The following ATP6V1G2 variants were observed in gnomAD, a reference collection of about 807,000 sequenced individuals.
ATP6V1G2 encodes V-type proton ATPase subunit G 2.
In ATP6V1G2, 14 loss-of-function variants were observed where a neutral mutation model predicts 17.8. The ratio of observed to expected loss-of-function variants is 0.79; its 90% CI spans 0.52 to 1.23. ATP6V1G2 has a LOEUF of 1.23. Ranked by LOEUF, ATP6V1G2 falls within the 50% of genes most tolerant of loss-of-function variation. ATP6V1G2 has a pLI of 0.00. For missense variants in ATP6V1G2, 112 were observed against 152.2 expected (o/e 0.74, Z 1.39); for synonymous variants, 57 against 54.8 (o/e 1.04, Z -0.17).
rs1768807042 is a variant in ATP6V1G2 at position 31,544,590 on chromosome 6, A to C, written c.*818T>G. On this transcript the variant is annotated 3_prime_UTR_variant, in exon 3 of 3. Transcript: ENST00000303892. ...AGTATCATTTTAGATCTTAGAAAGC[A>C]ATGAGCATCTGATAAGTCTTTGGGG... is the stretch of plus-strand genomic sequence containing the variant. The C allele has an allele frequency of 2.5e-6, 1 of 407,146 alleles. No homozygotes were observed. Among genetic ancestry groups the C allele is most frequent in the African/African-American group, 2.1e-5 (1 of 47,716 alleles). The allele number at this position is 407,146 out of a possible 1,614,324, so 25.2% of individuals were successfully genotyped here. A position where few individuals can be genotyped will look rare whatever the true frequency, so the allele number is the denominator to read the frequency against.
chr6:31,546,225 AGGACAGT>A lies in ATP6V1G2; in HGVS notation c.83-23_83-17del, dbSNP rs750951348. On this transcript the variant is annotated splice_polypyrimidine_tract_variant and intron_variant, in intron 1 of 2. Coordinates refer to ENST00000303892, the MANE Select transcript of ATP6V1G2 (RefSeq NM_130463.4). This position sits in a 1 kb window ranked among gnomAD's most constrained non-coding sequence, Gnocchi z 4.1. ...CGGGCCTTCCCTGGAGGCAGAAGAA[AGGACAGT>A]GAGTGGGGATGGACCCACACACACA... 6.2e-7 allele frequency: 1 copy of A among 1,611,696 alleles called. No homozygotes were observed. Among genetic ancestry groups the A allele is most frequent in the East Asian group, 2.2e-5 (1 of 44,880 alleles).
chr6:31,545,784 T>A lies in ATP6V1G2; in HGVS notation c.184-203A>T. The A allele has an allele frequency of 1.6e-6, 1 of 642,148 alleles. No individual in the cohort carries two copies. The highest frequency in any genetic ancestry group is 2.7e-6 in the Non-Finnish European group (1 of 374,786). The allele number at this position is 642,148 out of a possible 1,614,324, so 39.8% of individuals were successfully genotyped here. On this transcript the variant is annotated intron_variant, in intron 2 of 2. Transcript: ENST00000303892. The surrounding 1 kb of genome is among the most constrained non-coding windows in gnomAD (Gnocchi z 4.9). ...TTAGACCTAACATGCAACTTCATCC[T>A]AAAACAGACCGTAATATCCCCACCA...
chr6:31,546,247 C>CCA lies in ATP6V1G2; in HGVS notation c.83-40_83-39dup, dbSNP rs756498413. 2.6e-6 allele frequency: 4 copies of CCA among 1,565,012 alleles called. No homozygotes were observed. The highest frequency in any genetic ancestry group is 1.1e-5 in the South Asian group (1 of 90,172). On this transcript the variant is annotated intron_variant, in intron 1 of 2. Coordinates refer to ENST00000303892, the MANE Select transcript of ATP6V1G2 (RefSeq NM_130463.4). The surrounding 1 kb of genome is among the most constrained non-coding windows in gnomAD (Gnocchi z 4.1). ...GAAAGGACAGTGAGTGGGGATGGAC[C>CCA]CACACACACACAATGTAATAGCAGG...
chr6:31,545,317 A>G lies in ATP6V1G2; in HGVS notation c.*91T>C, dbSNP rs975379074. ...CTCCCAGGATTTCTAGGGGATGGAA[A>G]GAAGACAGGGATTATGGTGGGAGGT... On this transcript the variant is annotated 3_prime_UTR_variant, in exon 3 of 3. Transcript: ENST00000303892. The surrounding 1 kb of genome is among the most constrained non-coding windows in gnomAD (Gnocchi z 4.9). The G allele has an allele frequency of 2.0e-5, 29 of 1,422,848 alleles. No homozygotes were observed. The highest frequency in any genetic ancestry group is 2.6e-5 in the Non-Finnish European group (27 of 1,053,218). The allele number at this position is 1,422,848 out of a possible 1,614,324, so 88.1% of individuals were successfully genotyped here.
chr6:31,546,494 C>T lies in ATP6V1G2; in HGVS notation c.66G>A (p.Val22=). The T allele has an allele frequency of 6.2e-7, 1 of 1,614,120 alleles. No homozygotes were observed. Among genetic ancestry groups the T allele is most frequent in the Non-Finnish European group, 8.5e-7 (1 of 1,179,992 alleles). Residue 22 remains valine, a synonymous_variant, in exon 1 of 3, where the codon GTG becomes GTA. Transcript: ENST00000303892. This position sits in a 1 kb window ranked among gnomAD's most constrained non-coding sequence, Gnocchi z 4.1. ...GAGACTCACTCTTTCTGGCATCTGCCACCTTCTCAGCTGCCCGCTTCTCAG... is the reference window on the plus strand; with the variant it reads ...GAGACTCACTCTTTCTGGCATCTGCTACCTTCTCAGCTGCCCGCTTCTCAG... The part of the protein sequence containing the change: ...LQAEKRAAEK[V]ADARKRKARR...
In ATP6V1G2 at chr6:31,544,841, C is replaced by G. The variant is rs150045943; in HGVS notation, c.*567G>C. ...GTGGAATTAGAGAGCCAGTGATGGA[C>G]GTGAGGAAACAGCTGTGTAGGTTTT... On this transcript the variant is annotated 3_prime_UTR_variant, in exon 3 of 3. Transcript: ENST00000303892. The G allele has an allele frequency of 4.4e-6, 2 of 451,614 alleles. No homozygotes were observed. The highest frequency in any genetic ancestry group is 8.9e-6 in the Non-Finnish European group (2 of 224,526). The allele number at this position is 451,614 out of a possible 1,614,324, so 28.0% of individuals were successfully genotyped here.
rs1768940364 is a variant in ATP6V1G2, at chr6:31,545,861, T to C, written c.183+248A>G. The C allele has an allele frequency of 3.3e-6, 2 of 610,314 alleles. No individual in the cohort carries two copies. The highest frequency in any genetic ancestry group is 5.9e-5 in the Admixed American group (2 of 34,168). The allele number at this position is 610,314 out of a possible 1,614,324, so 37.8% of individuals were successfully genotyped here. A position where few individuals can be genotyped will look rare whatever the true frequency, so the allele number is the denominator to read the frequency against. ...TACCCTCCACCACAAATGTTAATCA[T>C]ACTCCACATAGATGTTATACTTTAC... On this transcript the variant is annotated intron_variant, in intron 2 of 2. Coordinates refer to ENST00000303892, the MANE Select transcript of ATP6V1G2 (RefSeq NM_130463.4). The surrounding 1 kb of genome is among the most constrained non-coding windows in gnomAD (Gnocchi z 4.9).
rs1170821466 is a variant in ATP6V1G2, at chr6:31,544,716, G to T, written c.*692C>A. 2 of 456,600 alleles carry T rather than the reference G, an allele frequency of 4.4e-6. No homozygotes were observed. The highest frequency in any genetic ancestry group is 4.7e-5 in the Admixed American group (2 of 42,564). The allele number at this position is 456,600 out of a possible 1,614,324, so 28.3% of individuals were successfully genotyped here. ...TATCTACCTGGAATTATAAGAGAGG[G>T]GCTAAATGTAGTCATCTCCTCTTTT... On this transcript the variant is annotated 3_prime_UTR_variant, in exon 3 of 3. Coordinates refer to ENST00000303892, the MANE Select transcript of ATP6V1G2 (RefSeq NM_130463.4).
At position 31,545,642 on chromosome 6, in the gene ATP6V1G2, A is replaced by G; in HGVS notation, c.184-61T>C. ...GAAAAGCAGAAACAGACAAGGGTCC[A>G]GGCATATGAGGGGAAAGATCCTGAA... On this transcript the variant is annotated intron_variant, in intron 2 of 2. Coordinates refer to ENST00000303892, the MANE Select transcript of ATP6V1G2 (RefSeq NM_130463.4). This position sits in a 1 kb window ranked among gnomAD's most constrained non-coding sequence, Gnocchi z 4.9. The G allele has an allele frequency of 6.5e-7, 1 of 1,529,848 alleles. No individual in the cohort carries two copies. The highest frequency in any genetic ancestry group is 8.8e-7 in the Non-Finnish European group (1 of 1,132,596). 94.8% of individuals were successfully genotyped at this position (1,529,848 alleles called of 1,614,324 possible).
Position 31,544,676 on chromosome 6 carries a change from G to A in ATP6V1G2, c.*732C>T, listed in dbSNP as rs1768818683. On this transcript the variant is annotated 3_prime_UTR_variant, in exon 3 of 3. Coordinates refer to ENST00000303892, the MANE Select transcript of ATP6V1G2 (RefSeq NM_130463.4). ...ATCAGCAAAAGAAAAACAAAGAGAG[G>A]CTACAAAATGCAGTTATCTACCTGG... The A allele has an allele frequency of 4.4e-6, 2 of 454,742 alleles. No individual in the cohort carries two copies. The highest frequency in any genetic ancestry group is 2.4e-5 in the Admixed American group (1 of 42,068). The allele number at this position is 454,742 out of a possible 1,614,324, so 28.2% of individuals were successfully genotyped here.
rs1470341805 is a variant in ATP6V1G2, at chr6:31,545,343, G to A, written c.*65C>T. On this transcript the variant is annotated 3_prime_UTR_variant, in exon 3 of 3. Coordinates refer to ENST00000303892, the MANE Select transcript of ATP6V1G2 (RefSeq NM_130463.4). This position sits in a 1 kb window ranked among gnomAD's most constrained non-coding sequence, Gnocchi z 4.9. ...GAAGACAGGGATTATGGTGGGAGGT[G>A]ATTTTGATTGGAGGATTTCTTTGAG... is the stretch of plus-strand genomic sequence containing the variant. 4 of 1,541,994 alleles carry A rather than the reference G, an allele frequency of 2.6e-6. No homozygotes were observed. In the African/African-American group the frequency reaches 5.4e-5, roughly 21 times the overall value.
At position 31,545,533 on chromosome 6, in the gene ATP6V1G2, T is replaced by A. The variant is rs778790078; in HGVS notation, c.232A>T (p.Arg78Trp). 2.5e-5 allele frequency: 41 copies of A among 1,613,824 alleles called. No individual in the cohort carries two copies. The highest frequency in any genetic ancestry group is 3.2e-5 in the Non-Finnish European group (38 of 1,179,982). ...CTCTGCATGCCCTGCACCTGGCGCC[T>A]TGTAGCCTGCTCCACCTCAGCAGAC... ...NLSAEVEQAT[R>W]RQVQGMQSSQ... Residue 78 changes from arginine (R) to tryptophan (W), a missense_variant, in exon 3 of 3, where the codon AGG becomes TGG. Arg to Trp is a moderately radical substitution (Grantham distance 101). Coordinates refer to ENST00000303892, the MANE Select transcript of ATP6V1G2 (RefSeq NM_130463.4). The surrounding 1 kb of genome is among the most constrained non-coding windows in gnomAD (Gnocchi z 4.9).
At position 31,545,411 on chromosome 6, in the gene ATP6V1G2, G is replaced by C; in HGVS notation, c.354C>G (p.Ala118=). The C allele has an allele frequency of 6.2e-7, 1 of 1,613,734 alleles. No individual in the cohort carries two copies. The highest frequency in any genetic ancestry group is 1.1e-5 in the South Asian group (1 of 90,952). ...PQVHPNYRIS[A] ...GGAGTCAGGCCCTACGGTGGCCCTA[G>C]GCAGAAATCCGGTAGTTGGGGTGGA... is the stretch of plus-strand genomic sequence containing the variant. The change falls in exon 3 of 3, where the codon GCC becomes GCG. Residue 118 remains alanine (A), a synonymous_variant. Coordinates refer to ENST00000303892, the MANE Select transcript of ATP6V1G2 (RefSeq NM_130463.4). The surrounding 1 kb of genome is among the most constrained non-coding windows in gnomAD (Gnocchi z 4.9).
chr6:31,544,577 G>T lies in ATP6V1G2; in HGVS notation c.*831C>A, dbSNP rs903314424. On this transcript the variant is annotated 3_prime_UTR_variant, in exon 3 of 3. Transcript: ENST00000303892. ...TATGAGGGAACACAGTATCATTTTA[G>T]ATCTTAGAAAGCAATGAGCATCTGA... 7.7e-6 allele frequency: 3 copies of T among 391,868 alleles called. No homozygotes were observed. Among genetic ancestry groups the T allele is most frequent in the African/African-American group, 6.3e-5 (3 of 47,368 alleles). 24.3% of individuals were successfully genotyped at this position (391,868 alleles called of 1,614,324 possible).
Position 31,545,444 on chromosome 6 carries a change from C to A in ATP6V1G2, c.321G>T (p.Arg107Ser). The change falls in exon 3 of 3, where the codon AGG (arginine) becomes AGT (serine). Residue 107 changes from arginine (R) to serine (S), a missense_variant. By Grantham distance (110) the Arg-to-Ser change is moderately radical (BLOSUM62 -1). Transcript: ENST00000303892. This position sits in a 1 kb window ranked among gnomAD's most constrained non-coding sequence, Gnocchi z 4.9. ...AQLLGMVCDV[R>S]PQVHPNYRIS... Reference sequence around the variant, plus strand: ...TCCGGTAGTTGGGGTGGACCTGGGGCCTGACGTCGCAGACCATGCCAAGAA... The same window carrying A: ...TCCGGTAGTTGGGGTGGACCTGGGGACTGACGTCGCAGACCATGCCAAGAA... The A allele has an allele frequency of 6.2e-7, 1 of 1,613,970 alleles. No homozygotes were observed. The highest frequency in any genetic ancestry group is 8.5e-7 in the Non-Finnish European group (1 of 1,179,974).
chr6:31,544,528 G>A lies in ATP6V1G2; in HGVS notation c.*880C>T, dbSNP rs1385930072. The A allele has an allele frequency of 3.4e-6, 1 of 294,534 alleles. No individual in the cohort carries two copies. Among genetic ancestry groups the A allele is most frequent in the African/African-American group, 2.2e-5 (1 of 46,046 alleles). 18.2% of individuals were successfully genotyped at this position (294,534 alleles called of 1,614,324 possible). A position where few individuals can be genotyped will look rare whatever the true frequency, so the allele number is the denominator to read the frequency against. ...TTACAATGGGAAAGTAAGGTGTCAA[G>A]GATATAGAAAGGAAGGGCATGCATA... On this transcript the variant is annotated 3_prime_UTR_variant, in exon 3 of 3. Coordinates refer to ENST00000303892, the MANE Select transcript of ATP6V1G2 (RefSeq NM_130463.4).
chr6:31,546,689 C>T, upstream of ATP6V1G2: 2 of 757,206 alleles, frequency 2.6e-6, no homozygotes, highest in Non-Finnish European at 4.5e-6. The surrounding 1 kb of genome is among the most constrained non-coding windows in gnomAD (Gnocchi z 4.1). Context: ...TTAGTGCTCC[C>T]CTGCTCACTC....
chr6:31,544,837 T>C lies in ATP6V1G2; in HGVS notation c.*571A>G. On this transcript the variant is annotated 3_prime_UTR_variant, in exon 3 of 3. Coordinates refer to ENST00000303892, the MANE Select transcript of ATP6V1G2 (RefSeq NM_130463.4). ...ACAAGTGGAATTAGAGAGCCAGTGA[T>C]GGACGTGAGGAAACAGCTGTGTAGG... 2.2e-6 allele frequency: 1 copy of C among 453,388 alleles called. No homozygotes were observed. Among genetic ancestry groups the C allele is most frequent in the Non-Finnish European group, 4.4e-6 (1 of 225,360 alleles). 28.1% of individuals were successfully genotyped at this position (453,388 alleles called of 1,614,324 possible). A position where few individuals can be genotyped will look rare whatever the true frequency, so the allele number is the denominator to read the frequency against.
chr6:31,545,322 A>C lies in ATP6V1G2; in HGVS notation c.*86T>G. On this transcript the variant is annotated 3_prime_UTR_variant, in exon 3 of 3. Transcript: ENST00000303892. The surrounding 1 kb of genome is among the most constrained non-coding windows in gnomAD (Gnocchi z 4.9). ...AGGATTTCTAGGGGATGGAAAGAAG[A>C]CAGGGATTATGGTGGGAGGTGATTT... 1 of 1,445,298 alleles carries C rather than the reference A, an allele frequency of 6.9e-7. No individual in the cohort carries two copies. Among genetic ancestry groups the C allele is most frequent in the Non-Finnish European group, 9.4e-7 (1 of 1,067,566 alleles). The allele number at this position is 1,445,298 out of a possible 1,614,324, so 89.5% of individuals were successfully genotyped here. A position where few individuals can be genotyped will look rare whatever the true frequency, so the allele number is the denominator to read the frequency against.
Sources: gnomAD v4.1 joint callset for allele counts on GRCh38, gnomAD v4.1.1 for gene constraint, Gnocchi (gnomAD v3.1) non-coding constraint, MANE v1.5 for transcripts, NCBI Gene and HGNC (gene_info 2026-07-23, HGNC 2026-07-21) for gene names.